Variants in HDAC3 observed in about 807,000 individuals in gnomAD.
HDAC3 encodes the protein histone deacetylase 3.
HDAC3 carries 21 observed loss-of-function variants against 62.3 expected under a neutral mutation model. That is an observed-to-expected ratio of 0.34 (90% CI 0.24 to 0.49). The LOEUF (loss-of-function observed/expected upper bound fraction) is 0.49. HDAC3 is among the 20% of genes least tolerant of loss of function. The pLI is 0.99. For synonymous variants in HDAC3, 198 were observed against 206.5 expected (o/e 0.96, Z 0.35); for missense variants, 270 against 556.9 (o/e 0.48, Z 5.19).
Position 141,621,239 on chromosome 5 carries a change from T to C in HDAC3, c.*229A>G. The C allele has an allele frequency of 5.8e-6, 3 of 517,980 alleles. No homozygotes were observed. The highest frequency in any genetic ancestry group is 4.3e-5 in the South Asian group (2 of 46,758). 32.1% of individuals were successfully genotyped at this position (517,980 alleles called of 1,614,324 possible). On this transcript the variant is annotated 3_prime_UTR_variant, in exon 15 of 15. Coordinates refer to ENST00000305264, the MANE Select transcript of HDAC3 (RefSeq NM_003883.4). Reference sequence around the variant, plus strand: ...GGCCCACTGCCAATAATGTCCCAGATAGCTATCCTTGTCTGTATCTCATCC... The same window carrying C: ...GGCCCACTGCCAATAATGTCCCAGACAGCTATCCTTGTCTGTATCTCATCC...
rs1203601638 is a variant in HDAC3, at chr5:141,625,163, CCCAG to C, written c.1217+41_1217+44del. 4.5e-6 allele frequency: 7 copies of C among 1,549,924 alleles called. No homozygotes were observed. The African/African-American group carries it at 9.7e-5, about 22-fold the overall frequency. Reference sequence around the variant, plus strand: ...ATTTACTTTTTCCCTTTTAAACCTCCCCAGCAAGCCTATTGAAAGTAGGCTGAAG... The same window carrying C: ...ATTTACTTTTTCCCTTTTAAACCTCCCAAGCCTATTGAAAGTAGGCTGAAG... On this transcript the variant is annotated intron_variant, in intron 14 of 14. Transcript: ENST00000305264. This position sits in a 1 kb window ranked among gnomAD's most constrained non-coding sequence, Gnocchi z 4.0.
Position 141,625,985 on chromosome 5 carries a change from T to C in HDAC3, c.979+28A>G, listed in dbSNP as rs149330805. 5,297 of 1,589,926 alleles carry C rather than the reference T, an allele frequency of 3.3e-3. 22 individuals carry two copies. The highest frequency in any genetic ancestry group is 4.0e-3 in the Non-Finnish European group (4,594 of 1,158,102). On this transcript the variant is annotated intron_variant, in intron 12 of 14. Coordinates refer to ENST00000305264, the MANE Select transcript of HDAC3 (RefSeq NM_003883.4). This position sits in a 1 kb window ranked among gnomAD's most constrained non-coding sequence, Gnocchi z 4.0. ...AATCTGGTGAGAATGGCCTTCCTGT[T>C]ATGGGGGTGTTGTGGGGTGGTCCTT... is the stretch of plus-strand genomic sequence containing the variant.
rs1209467399 is a variant in HDAC3, at chr5:141,626,592, C to A, written c.831-309G>T. On this transcript the variant is annotated intron_variant, in intron 10 of 14. Transcript: ENST00000305264. The surrounding 1 kb of genome is among the most constrained non-coding windows in gnomAD (Gnocchi z 4.6). ...ATTCTAGCCTTGAAAATATAACTCACGCCCGGCGCGGTGCTCACGCCTTTG... is the reference window on the plus strand; with the variant it reads ...ATTCTAGCCTTGAAAATATAACTCAAGCCCGGCGCGGTGCTCACGCCTTTG... 2 of 358,256 alleles carry A rather than the reference C, an allele frequency of 5.6e-6. No homozygotes were observed. Among genetic ancestry groups the A allele is most frequent in the Non-Finnish European group, 1.1e-5 (2 of 187,168 alleles). 22.2% of individuals were successfully genotyped at this position (358,256 alleles called of 1,614,324 possible). A position where few individuals can be genotyped will look rare whatever the true frequency, so the allele number is the denominator to read the frequency against.
At position 141,629,584 on chromosome 5, in the gene HDAC3, G is replaced by A. The variant is rs2099904911; in HGVS notation, c.476+100C>T. 11 of 1,196,824 alleles carry A rather than the reference G, an allele frequency of 9.2e-6. No individual in the cohort carries two copies. The highest frequency in any genetic ancestry group is 1.2e-5 in the Non-Finnish European group (10 of 823,860). The allele number at this position is 1,196,824 out of a possible 1,614,324, so 74.1% of individuals were successfully genotyped here. On this transcript the variant is annotated intron_variant, in intron 6 of 14. Coordinates refer to ENST00000305264, the MANE Select transcript of HDAC3 (RefSeq NM_003883.4). This position sits in a 1 kb window ranked among gnomAD's most constrained non-coding sequence, Gnocchi z 5.3. The stretch of plus-strand genomic sequence containing the variant: ...ATAAAGCATCAAGAACTTGGGAGAA[G>A]CTAATCAGGGAGGAGGGAGGTCAAG...
chr5:141,634,768 G>C, intron 3 of HDAC3, 43 bp downstream of exon 3: 1 of 1,599,864 alleles, frequency 6.3e-7, no homozygotes, highest in Non-Finnish European at 8.5e-7. Flanking sequence ...TGAAGGGCTT[G>C]GCATTAAACT....
rs752654672 is a variant in HDAC3 at position 141,621,489 on chromosome 5, C to T, written c.1266G>A (p.Lys422=). The T allele has an allele frequency of 1.9e-6, 3 of 1,613,916 alleles. No homozygotes were observed. Among genetic ancestry groups the T allele is most frequent in the South Asian group, 1.1e-5 (1 of 91,082 alleles). The stretch of plus-strand genomic sequence containing the variant: ...ACTCTTAAATCTCCACATCGCTTTC[C>T]TTGTCATTGTCATGGTCTCCATCAT... ...EFYDGDHDND[K]ESDVEI Residue 422 remains lysine, a synonymous_variant, in exon 15 of 15, where the codon AAG becomes AAA. Coordinates refer to ENST00000305264, the MANE Select transcript of HDAC3 (RefSeq NM_003883.4).
rs564539029 is a variant in HDAC3 at position 141,626,761 on chromosome 5, C to CAT, written c.831-480_831-479dup. Among the ~76,000 whole-genome samples, 3 of 137,676 alleles carry CAT rather than the reference C, an allele frequency of 2.2e-5. No homozygotes were observed. The highest frequency in any genetic ancestry group is 3.1e-5 in the Non-Finnish European group (2 of 65,052). The allele number at this position is 137,676 out of a possible 152,430, so 90.3% of individuals were successfully genotyped here. A position where few individuals can be genotyped will look rare whatever the true frequency, so the allele number is the denominator to read the frequency against. ...CCATCTCAAAAAAGAAAAAAAAAAA[C>CAT]ATATATATGTGTGTGTGTGTGTGTA... is the stretch of plus-strand genomic sequence containing the variant. On this transcript the variant is annotated intron_variant, in intron 10 of 14. Coordinates refer to ENST00000305264, the MANE Select transcript of HDAC3 (RefSeq NM_003883.4). This position sits in a 1 kb window ranked among gnomAD's most constrained non-coding sequence, Gnocchi z 4.6.
intron 10 of HDAC3, among the ~76,000 whole-genome samples, chr5:141,627,053 CCTT>C (rs1386541135): frequency 6.6e-6 from 1 of 152,130 alleles, no homozygotes; most frequent in Non-Finnish European, 1.5e-5. Context: ...AATTCAAACT[CCTT>C]ACCAGGGTTT....
chr5:141,623,049 G>C (rs1294777723), intron 14 of HDAC3, among the ~76,000 whole-genome samples: 2 of 152,078 alleles, frequency 1.3e-5, no homozygotes, highest in East Asian at 3.9e-4. Context: ...CTTGAACCCG[G>C]GAGGCAGAGG....
intron 10 of HDAC3, among the ~76,000 whole-genome samples, 164 bp downstream of exon 10, chr5:141,627,728 AT>A (rs2099904644): frequency 6.6e-6 from 1 of 152,212 alleles, no homozygotes; most frequent in South Asian, 2.1e-4. Context: ...ATGAATGACC[AT>A]CTAGGGAACC....
At chr5:141,632,317 G>A (rs1284609161) in intron 3 of HDAC3, among the ~76,000 whole-genome samples, 1 of 152,128 alleles carries the variant, frequency 6.6e-6, no homozygotes, top group Non-Finnish European at 1.5e-5. Flanking sequence ...GAGCCACTGC[G>A]CCCGGCTTGG....
At chr5:141,624,920 A>T (rs2099904251) in intron 14 of HDAC3, 1 of 321,104 alleles carries the variant, frequency 3.1e-6, no homozygotes, top group Non-Finnish European at 5.7e-6. Context: ...CAATCTATAG[A>T]AAAAGGTCTA....
At position 141,627,952 on chromosome 5, in the gene HDAC3, T is replaced by A. The variant is rs760967612; in HGVS notation, c.771A>T (p.Gly257=). 3.7e-6 allele frequency: 6 copies of A among 1,613,930 alleles called. No homozygotes were observed. Among genetic ancestry groups the A allele is most frequent in the Non-Finnish European group, 4.2e-6 (5 of 1,180,002 alleles). The change falls in exon 10 of 15, where the codon GGA becomes GGT. Residue 257 remains glycine, a synonymous_variant. Transcript: ENST00000305264. ...YQPTCIVLQC[G]ADSLGCDRLG... ...ATCGATCACAGCCCAGAGAGTCAGC[T>A]CCACACTGCAAAAAGCAAAACCCCA... is the stretch of plus-strand genomic sequence containing the variant.
At position 141,629,065 on chromosome 5, in the gene HDAC3, G is replaced by A. The variant is rs764751444; in HGVS notation, c.610+108C>T. 5 of 1,129,266 alleles carry A rather than the reference G, an allele frequency of 4.4e-6. No individual in the cohort carries two copies. The highest frequency in any genetic ancestry group is 5.1e-6 in the Non-Finnish European group (4 of 782,448). The allele number at this position is 1,129,266 out of a possible 1,614,324, so 70.0% of individuals were successfully genotyped here. A position where few individuals can be genotyped will look rare whatever the true frequency, so the allele number is the denominator to read the frequency against. On this transcript the variant is annotated intron_variant, in intron 7 of 14. Transcript: ENST00000305264. The surrounding 1 kb of genome is among the most constrained non-coding windows in gnomAD (Gnocchi z 5.3). ...ATGATAACTGGAGTGGTAAGGAAAG[G>A]CTTCTCTGAGGAGGGGACACCTGAG... is the stretch of plus-strand genomic sequence containing the variant.
intron 14 of HDAC3, 22 bp from the exon 15 acceptor site, chr5:141,621,559 G>A: frequency 2.5e-6 from 4 of 1,599,218 alleles, no homozygotes; most frequent in Non-Finnish European, 3.4e-6. Context: ...GGGGAGAGAG[G>A]TCAGGATCTC....
At chr5:141,622,601 CA>C (rs113207854) in intron 14 of HDAC3, among the ~76,000 whole-genome samples, 153 of 128,762 alleles carry the variant, frequency 1.2e-3, no homozygotes, top group Non-Finnish European at 9.3e-4. Flanking sequence ...GACTCCATCT[CA>C]AAAAAAAAAA....
rs1229404157 is a variant in HDAC3 at position 141,625,018 on chromosome 5, T to C, written c.1217+190A>G. The stretch of plus-strand genomic sequence containing the variant: ...ACGCCAACACCATATTTTGGTGCTG[T>C]TTTAAAATTTTGCAATAAATACGTG... On this transcript the variant is annotated intron_variant, in intron 14 of 14. Coordinates refer to ENST00000305264, the MANE Select transcript of HDAC3 (RefSeq NM_003883.4). The surrounding 1 kb of genome is among the most constrained non-coding windows in gnomAD (Gnocchi z 4.0). The C allele has an allele frequency of 1.4e-5, 8 of 590,682 alleles. No homozygotes were observed. The highest frequency in any genetic ancestry group is 2.3e-5 in the Non-Finnish European group (8 of 344,722). 36.6% of individuals were successfully genotyped at this position (590,682 alleles called of 1,614,324 possible).
chr5:141,625,186 G>A lies in HDAC3; in HGVS notation c.1217+22C>T. The A allele has an allele frequency of 1.3e-6, 2 of 1,584,268 alleles. No homozygotes were observed. On this transcript the variant is annotated intron_variant, in intron 14 of 14. Coordinates refer to ENST00000305264, the MANE Select transcript of HDAC3 (RefSeq NM_003883.4). The surrounding 1 kb of genome is among the most constrained non-coding windows in gnomAD (Gnocchi z 4.0). ...TCCCCAGCAAGCCTATTGAAAGTAG[G>A]CTGAAGTCCCTGCTCCCAGACCTGC... is the stretch of plus-strand genomic sequence containing the variant.
At position 141,629,658 on chromosome 5, in the gene HDAC3, C is replaced by T; in HGVS notation, c.476+26G>A. On this transcript the variant is annotated intron_variant, in intron 6 of 14. Coordinates refer to ENST00000305264, the MANE Select transcript of HDAC3 (RefSeq NM_003883.4). The surrounding 1 kb of genome is among the most constrained non-coding windows in gnomAD (Gnocchi z 5.3). The stretch of plus-strand genomic sequence containing the variant: ...TCCTCAGCCAAGAATCCCGTAACTG[C>T]CCCCATCTCCTCCTGGGCTACTTAC... The T allele has an allele frequency of 6.2e-7, 1 of 1,611,058 alleles. No individual in the cohort carries two copies. The highest frequency in any genetic ancestry group is 8.5e-7 in the Non-Finnish European group (1 of 1,178,294).
Sources: allele counts gnomAD v4.1 joint callset (sites outside exome capture counted in the v4.1 genomes callset), GRCh38; gene constraint gnomAD v4.1.1; non-coding constraint Gnocchi (gnomAD v3.1); transcripts MANE v1.5; gene names NCBI Gene and HGNC (gene_info 2026-07-23, HGNC 2026-07-21).